Variants in MTREX observed in about 807,000 individuals in gnomAD.
MTREX encodes the protein Mtr4 exosome RNA helicase.
MTREX carries 76 observed loss-of-function variants against 135.4 expected under a neutral mutation model. The ratio of observed to expected loss-of-function variants is 0.56; its 90% CI spans 0.47 to 0.68. MTREX has a LOEUF of 0.68. MTREX is among the 30% of genes least tolerant of loss of function. The pLI is 0.00. For missense variants in MTREX, 920 were observed against 1,262.1 expected (o/e 0.73, Z 4.11); for synonymous variants, 404 against 401.6 (o/e 1.01, Z -0.07).
chr5:55,342,741 C>T (rs1749671368), intron 7 of MTREX, among the ~76,000 whole-genome samples: 1 of 152,180 alleles, frequency 6.6e-6, no homozygotes, highest in African/African-American at 2.4e-5. Flanking sequence ...TTGAATATTT[C>T]ACCCTTTCCA....
In MTREX at chr5:55,397,420, T is replaced by C; in HGVS notation, c.2186T>C (p.Val729Ala). ...KPDEKGEMQV[V>A]PVLVHLLSAI... ...TGTATAACTTTTTGGTCATAGGTTGTCCCAGTTTTGGTGCATCTCCTGTCT... is the reference window on the plus strand; with the variant it reads ...TGTATAACTTTTTGGTCATAGGTTGCCCCAGTTTTGGTGCATCTCCTGTCT... The change falls in exon 20 of 27, where the codon GTC (valine) becomes GCC (alanine). Residue 729 changes from valine to alanine, a missense_variant. By Grantham distance (64) the Val-to-Ala change is moderately conservative. Around this residue, in one of 6 missense-constraint regions of MTREX, gnomAD observed 467 missense variants for 589.7 expected, o/e 0.79. Transcript: ENST00000230640. The C allele has an allele frequency of 6.2e-7, 1 of 1,606,510 alleles. No homozygotes were observed. Among genetic ancestry groups the C allele is most frequent in the Non-Finnish European group, 8.5e-7 (1 of 1,174,986 alleles).
chr5:55,414,132 A>T (rs1488207871), intron 23 of MTREX, 50 bp from the exon 24 acceptor site: 6 of 1,352,710 alleles, frequency 4.4e-6, no homozygotes, highest in Non-Finnish European at 6.1e-6. Flanking sequence ...GTGAAAAACC[A>T]GTAACTTTAA....
intron 13 of MTREX, 146 bp downstream of exon 13, chr5:55,351,175 G>T (rs1749821527): frequency 1.0e-6 from 1 of 969,308 alleles, no homozygotes. Flanking sequence ...TTTTATATAT[G>T]ATGTTATACT....
rs1749421480 is a variant in MTREX, at chr5:55,328,734, G to T, written c.438G>T (p.Glu146Asp). The T allele has an allele frequency of 1.2e-6, 2 of 1,613,220 alleles. No homozygotes were observed. Among genetic ancestry groups the T allele is most frequent in the African/African-American group, 2.7e-5 (2 of 74,870 alleles). The stretch of plus-strand genomic sequence containing the variant: ...TCATTCTTGATGCTTTTCAAAGAGA[G>T]GCCATTCAGTGTGTTGACAATAATC... The part of the protein sequence containing the change: ...YPFILDAFQR[E>D]AIQCVDNNQS... The change falls in exon 5 of 27, where the codon GAG becomes GAT. Residue 146 changes from glutamate to aspartate, a missense_variant. By Grantham distance (45) the Glu-to-Asp change is conservative. Around this residue, in one of 6 missense-constraint regions of MTREX, gnomAD observed 82 missense variants for 107.4 expected, o/e 0.76. Transcript: ENST00000230640.
chr5:55,333,751 A>C (rs1176311674), intron 5 of MTREX, among the ~76,000 whole-genome samples: 1 of 152,114 alleles, frequency 6.6e-6, no homozygotes, highest in Non-Finnish European at 1.5e-5. Context: ...ATTTGTTATA[A>C]TGTAGAATTT....
intron 5 of MTREX, among the ~76,000 whole-genome samples, chr5:55,332,141 A>G (rs943681536): frequency 6.6e-6 from 1 of 152,154 alleles, no homozygotes; most frequent in Middle Eastern, 3.2e-3. Context: ...GCCCCACCCT[A>G]TAACTGCTGA....
chr5:55,366,536 G>C (rs1440680364), intron 15 of MTREX, among the ~76,000 whole-genome samples, 189 bp from the exon 16 acceptor site: 1 of 151,984 alleles, frequency 6.6e-6, no homozygotes, highest in Non-Finnish European at 1.5e-5. Context: ...CTTTCATACT[G>C]ATTTTTTTTT....
Position 55,379,132 on chromosome 5 carries a change from G to A in MTREX, c.1989G>A (p.Lys663=). Residue 663 remains lysine, a synonymous_variant, in exon 18 of 27, where the codon AAG becomes AAA. Coordinates refer to ENST00000230640, the MANE Select transcript of MTREX (RefSeq NM_015360.5). The part of the protein sequence containing the change: ...FLQPGRLVKV[K]NEGDDFGWGV... ...TTGCTTTTCTTTCTTTTTAGGTAAA[G>A]AATGAAGGAGATGACTTTGGCTGGG... 6.2e-7 allele frequency: 1 copy of A among 1,608,186 alleles called. No homozygotes were observed.
chr5:55,363,985 T>G (rs991866468), intron 15 of MTREX, among the ~76,000 whole-genome samples: 2 of 152,166 alleles, frequency 1.3e-5, no homozygotes, highest in African/African-American at 4.8e-5. Flanking sequence ...AGTGCTAGAA[T>G]ATAAGTTCTG....
chr5:55,325,335 T>A (rs893922889), intron 3 of MTREX, among the ~76,000 whole-genome samples: 1 of 138,680 alleles, frequency 7.2e-6, no homozygotes, highest in Admixed American at 7.6e-5. Flanking sequence ...GGGGGTTTTT[T>A]TTTGTTTTTT....
At chr5:55,403,421 A>T (rs1248621817) in intron 21 of MTREX, among the ~76,000 whole-genome samples, 1 of 152,214 alleles carries the variant, frequency 6.6e-6, no homozygotes, top group Non-Finnish European at 1.5e-5. Context: ...GCCACATTTT[A>T]AAAAAGAAAG....
chr5:55,413,881 A>G (rs1220370845), intron 23 of MTREX, among the ~76,000 whole-genome samples: 1 of 152,204 alleles, frequency 6.6e-6, no homozygotes, highest in Admixed American at 6.5e-5. Context: ...TATGTTTACA[A>G]TATTTACCCT....
At chr5:55,375,127 C>T (rs192312595) in intron 16 of MTREX, among the ~76,000 whole-genome samples, 144 of 152,214 alleles carry the variant, frequency 9.5e-4, no homozygotes, top group African/African-American at 2.8e-3. Flanking sequence ...GGAGGCAGGG[C>T]GAGATCACAG....
intron 7 of MTREX, among the ~76,000 whole-genome samples, chr5:55,342,510 A>G (rs1749668399): frequency 6.6e-6 from 1 of 151,948 alleles, no homozygotes; most frequent in Non-Finnish European, 1.5e-5. Flanking sequence ...AGAAAAACTT[A>G]CAAATGCCCC....
chr5:55,396,027 T>G (rs1750640415), intron 19 of MTREX, among the ~76,000 whole-genome samples: 1 of 152,208 alleles, frequency 6.6e-6, no homozygotes, highest in South Asian at 2.1e-4. Context: ...TTTTCCTCTT[T>G]TAATACTTGT....
chr5:55,414,093 A>G (rs2111619177), intron 23 of MTREX, 89 bp from the exon 24 acceptor site: 1 of 890,564 alleles, frequency 1.1e-6, no homozygotes. Flanking sequence ...TGACTATCTT[A>G]CAAGCTTTAA....
chr5:55,323,899 G>A (rs184361963), intron 2 of MTREX, among the ~76,000 whole-genome samples: 50 of 152,166 alleles, frequency 3.3e-4, no homozygotes, highest in African/African-American at 1.0e-3. Flanking sequence ...ATAATCACTC[G>A]GCAGTCTGTT....
Position 55,397,531 on chromosome 5 carries a change from G to A in MTREX, c.2292+5G>A. The A allele has an allele frequency of 1.3e-6, 2 of 1,544,166 alleles. No homozygotes were observed. Among genetic ancestry groups the A allele is most frequent in the Non-Finnish European group, 1.8e-6 (2 of 1,125,548 alleles). The stretch of plus-strand genomic sequence containing the variant: ...AGTGTTTTAAAATCAATACAGGTAT[G>A]TGTTAATTTCATAAGTTAAGTATAA... On this transcript the variant is annotated splice_donor_5th_base_variant and intron_variant, in intron 20 of 26. Transcript: ENST00000230640.
At chr5:55,414,090 C>CTTACAAGCTT in intron 23 of MTREX, 92 bp from the exon 24 acceptor site, 1 of 866,180 alleles carries the variant, frequency 1.2e-6, no homozygotes, top group South Asian at 2.1e-5. Flanking sequence ...ATGTGACTAT[C>CTTACAAGCTT]TTACAAGCTT....
Sources: allele counts gnomAD v4.1 joint callset (sites outside exome capture counted in the v4.1 genomes callset), GRCh38; gene constraint gnomAD v4.1.1; regional missense constraint gnomAD v4.1.1; transcripts MANE v1.5; gene names NCBI Gene and HGNC (gene_info 2026-07-23, HGNC 2026-07-21).